The following GALNT7 variants were observed in gnomAD, a reference collection of about 807,000 sequenced individuals.
GALNT7 encodes the protein N-acetylgalactosaminyltransferase 7.
GALNT7 carries 60 observed loss-of-function variants against 82.1 expected under a neutral mutation model. The ratio of observed to expected loss-of-function variants is 0.73; its 90% CI spans 0.59 to 0.91. The LOEUF (loss-of-function observed/expected upper bound fraction) is 0.91. Ranked by LOEUF, GALNT7 falls within the 40% of genes least tolerant of loss-of-function variation. The pLI is 0.00. For missense variants in GALNT7, 660 were observed against 804.2 expected, an observed-to-expected ratio of 0.82 and a Z score of 2.17; for synonymous variants, 243 against 275.1, an observed-to-expected ratio of 0.88 and a Z score of 1.15.
chr4:173,320,763 G>A lies in GALNT7; in HGVS notation c.1837-817G>A, dbSNP rs1737784072. On this transcript the variant is annotated intron_variant, in intron 11 of 11. Coordinates refer to ENST00000265000, the MANE Select transcript of GALNT7 (RefSeq NM_017423.3). This position sits in a 1 kb window ranked among gnomAD's most constrained non-coding sequence, Gnocchi z 4.1. ...CTCATTATATGGAAGTACTTGATAC[G>A]TACTTCCCACTTCATCTCATAGAAT... Among the ~76,000 whole-genome samples the A allele has an allele frequency of 2.6e-5, 4 of 152,056 alleles. No individual in the cohort carries two copies. Among genetic ancestry groups the A allele is most frequent in the Admixed American group, 2.0e-4 (3 of 15,258 alleles).
intron 2 of GALNT7, among the ~76,000 whole-genome samples, chr4:173,248,693 A>C (rs1734749029): frequency 6.6e-6 from 1 of 152,152 alleles, no homozygotes; most frequent in Admixed American, 6.6e-5. Context: ...CCAGACTGGC[A>C]CTGGTCAATG....
In GALNT7 at chr4:173,322,909, TTC is replaced by T. The variant is rs1291970352; in HGVS notation, c.*1194_*1195del. 1.3e-5 allele frequency: 2 copies of T among 152,202 alleles called. No individual in the cohort carries two copies. The highest frequency in any genetic ancestry group is 3.8e-4 in the East Asian group (2 of 5,202). 9.4% of individuals were successfully genotyped at this position (152,202 alleles called of 1,614,324 possible). A position where few individuals can be genotyped will look rare whatever the true frequency, so the allele number is the denominator to read the frequency against. ...AGTTTATTAACAAACGTGAACTACT[TTC>T]TGTTACATTAGGTGTTCCCTAGTGT... On this transcript the variant is annotated 3_prime_UTR_variant, in exon 12 of 12. Coordinates refer to ENST00000265000, the MANE Select transcript of GALNT7 (RefSeq NM_017423.3).
chr4:173,183,888 G>A (rs376620479), intron 1 of GALNT7, among the ~76,000 whole-genome samples: 1 of 151,730 alleles, frequency 6.6e-6, no homozygotes, highest in Non-Finnish European at 1.5e-5. Context: ...CAGACGGGGC[G>A]GCTGCCGGGT....
At position 173,183,274 on chromosome 4, in the gene GALNT7, C is replaced by T. The variant is rs564938369; in HGVS notation, c.126+14313C>T. ...ACCCCCTCCCACTATTCCTCTCACACGCTGCACTTTTTTTTTTTTTTTAAA... is the reference window on the plus strand; with the variant it reads ...ACCCCCTCCCACTATTCCTCTCACATGCTGCACTTTTTTTTTTTTTTTAAA... On this transcript the variant is annotated intron_variant, in intron 1 of 11. Coordinates refer to ENST00000265000, the MANE Select transcript of GALNT7 (RefSeq NM_017423.3). Among the ~76,000 whole-genome samples, 11 of 151,292 alleles carry T rather than the reference C, an allele frequency of 7.3e-5. No individual in the cohort carries two copies. In the East Asian group the frequency reaches 1.5e-3, roughly 21 times the overall value.
At chr4:173,169,034 G>C in intron 1 of GALNT7, 73 bp downstream of exon 1, 2 of 1,496,330 alleles carry the variant, frequency 1.3e-6, no homozygotes, top group South Asian at 2.3e-5. Flanking sequence ...TGTGGAGGGA[G>C]CAGGGGCGGC....
At chr4:173,184,316 A>G (rs994495693) in intron 1 of GALNT7, among the ~76,000 whole-genome samples, 3 of 152,104 alleles carry the variant, frequency 2.0e-5, no homozygotes, top group African/African-American at 4.8e-5. Flanking sequence ...AACATTGAGC[A>G]CTGAGTGAGC....
intron 2 of GALNT7, among the ~76,000 whole-genome samples, chr4:173,258,605 G>C (rs1343071035): frequency 6.6e-6 from 1 of 152,152 alleles, no homozygotes; most frequent in African/African-American, 2.4e-5. Context: ...AGTATGCTGG[G>C]TTTTTAAATG....
At chr4:173,280,453 T>G (rs1045100968) in intron 2 of GALNT7, among the ~76,000 whole-genome samples, 1 of 152,242 alleles carries the variant, frequency 6.6e-6, no homozygotes, top group Non-Finnish European at 1.5e-5. Context: ...ACTATGGAAA[T>G]TCATTATTCT....
chr4:173,265,886 G>A (rs899328300), intron 2 of GALNT7, among the ~76,000 whole-genome samples: 7 of 151,996 alleles, frequency 4.6e-5, no homozygotes, highest in Admixed American at 3.3e-4. Flanking sequence ...TGCACTTTGG[G>A]AGTCACATGG....
intron 1 of GALNT7, among the ~76,000 whole-genome samples, chr4:173,232,387 C>T (rs950941302): frequency 2.6e-5 from 4 of 151,546 alleles, no homozygotes; most frequent in Non-Finnish European, 2.9e-5. Context: ...TACATGCATA[C>T]AGTGTGTAAT....
chr4:173,226,002 G>T (rs867875698), intron 1 of GALNT7, among the ~76,000 whole-genome samples: 3 of 152,106 alleles, frequency 2.0e-5, no homozygotes, highest in Non-Finnish European at 2.9e-5. Context: ...TTGACCCATC[G>T]CTGTGTGCAG....
At chr4:173,175,621 C>T (rs909243821) in intron 1 of GALNT7, among the ~76,000 whole-genome samples, 10 of 152,168 alleles carry the variant, frequency 6.6e-5, no homozygotes, top group East Asian at 5.8e-4. Flanking sequence ...ATTCAGCTTA[C>T]GATTTTTGAC....
At chr4:173,238,642 AT>A (rs982420409) in intron 1 of GALNT7, among the ~76,000 whole-genome samples, 6 of 152,098 alleles carry the variant, frequency 3.9e-5, no homozygotes, top group Non-Finnish European at 7.4e-5. Flanking sequence ...TTTATGTGTG[AT>A]TTTTTTCAAG....
At chr4:173,267,369 A>G (rs1735540962) in intron 2 of GALNT7, among the ~76,000 whole-genome samples, 1 of 152,196 alleles carries the variant, frequency 6.6e-6, no homozygotes, top group African/African-American at 2.4e-5. Context: ...AGATACACTG[A>G]AAGAGCATTC....
Position 173,237,024 on chromosome 4 carries a change from A to G in GALNT7, c.127-10956A>G, listed in dbSNP as rs149750740. 2.2e-3 allele frequency among the ~76,000 whole-genome samples: 333 copies of G among 152,316 alleles called. 1 individual carries two copies. Among genetic ancestry groups the G allele is most frequent in the Admixed American group, 3.7e-3 (57 of 15,304 alleles). ...TAAAAAGTAAAATGTCAAAAAGTTT[A>G]TTACATAAATAACCTTGATCTACTC... On this transcript the variant is annotated intron_variant, in intron 1 of 11. Transcript: ENST00000265000.
In GALNT7 at chr4:173,320,752, GTACTTGA is replaced by G. The variant is rs879392612; in HGVS notation, c.1837-824_1837-818del. Among the ~76,000 whole-genome samples, 2 of 152,062 alleles carry G rather than the reference GTACTTGA, an allele frequency of 1.3e-5. No homozygotes were observed. The highest frequency in any genetic ancestry group is 2.9e-5 in the Non-Finnish European group (2 of 68,014). ...GAGCATTGTACCTCATTATATGGAA[GTACTTGA>G]TACGTACTTCCCACTTCATCTCATA... On this transcript the variant is annotated intron_variant, in intron 11 of 11. Coordinates refer to ENST00000265000, the MANE Select transcript of GALNT7 (RefSeq NM_017423.3). The surrounding 1 kb of genome is among the most constrained non-coding windows in gnomAD (Gnocchi z 4.1).
intron 2 of GALNT7, among the ~76,000 whole-genome samples, chr4:173,290,155 T>G (rs923453983): frequency 4.6e-5 from 7 of 152,080 alleles, no homozygotes; most frequent in African/African-American, 1.7e-4. Context: ...TGCAAGGGCA[T>G]AGAGGTATAT....
At chr4:173,299,440 A>T (rs1434285802) in intron 6 of GALNT7, among the ~76,000 whole-genome samples, 1 of 152,204 alleles carries the variant, frequency 6.6e-6, no homozygotes, top group East Asian at 1.9e-4. Flanking sequence ...GAAAATTTTT[A>T]AAGTGACCTA....
chr4:173,271,728 A>T (rs565757523), intron 2 of GALNT7, among the ~76,000 whole-genome samples: 1 of 152,292 alleles, frequency 6.6e-6, no homozygotes, highest in Non-Finnish European at 1.5e-5. Context: ...AAATGCTAGG[A>T]TTATAGATGT....
Sources: gnomAD v4.1 joint callset for allele counts (sites outside exome capture counted in the v4.1 genomes callset) on GRCh38, gnomAD v4.1.1 for gene constraint, Gnocchi (gnomAD v3.1) non-coding constraint, MANE v1.5 for transcripts, NCBI Gene and HGNC (gene_info 2026-07-23, HGNC 2026-07-21) for gene names.